Variants in SLC25A12 observed in about 807,000 individuals in gnomAD.
SLC25A12 encodes solute carrier family 25 member 12, also known as electrogenic aspartate/glutamate antiporter SLC25A12, mitochondrial.
SLC25A12 carries 32 observed loss-of-function variants against 83.3 expected under a neutral mutation model. The observed-to-expected ratio is 0.38, with a 90% CI of 0.29 to 0.52. SLC25A12 has a LOEUF of 0.52. Ranked by LOEUF, SLC25A12 falls within the 20% of genes least tolerant of loss-of-function variation. The pLI, the probability that SLC25A12 is intolerant of heterozygous loss-of-function variation, is 0.84. For missense variants in SLC25A12, 611 were observed against 835.6 expected, an observed-to-expected ratio of 0.73 and a Z score of 3.31; for synonymous variants, 267 against 291.1, an observed-to-expected ratio of 0.92 and a Z score of 0.84.
intron 5 of SLC25A12, among the ~76,000 whole-genome samples, chr2:171,838,743 A>G (rs1573972789): frequency 6.6e-6 from 1 of 152,184 alleles, no homozygotes; most frequent in Non-Finnish European, 1.5e-5. Context: ...TTTTAAAGAT[A>G]CGTATTTGAA....
In SLC25A12 at chr2:171,854,289, C is replaced by T. The variant is rs556683358; in HGVS notation, c.325+1545G>A. 2.0e-5 allele frequency among the ~76,000 whole-genome samples: 3 copies of T among 152,224 alleles called. No homozygotes were observed. In the East Asian group the frequency reaches 5.8e-4, roughly 29 times the overall value. The stretch of plus-strand genomic sequence containing the variant: ...AATCTAAATAACTCTGCATAGCAGG[C>T]CAGGCGCGGTGGCTCAGGCCTGTAA... On this transcript the variant is annotated intron_variant, in intron 4 of 17. Coordinates refer to ENST00000422440, the MANE Select transcript of SLC25A12 (RefSeq NM_003705.5).
intron 2 of SLC25A12, chr2:171,871,791 C>T: frequency 2.1e-6 from 2 of 964,644 alleles, no homozygotes; most frequent in South Asian, 4.8e-5. Context: ...AAAGTTCAGA[C>T]TCTTCTGTTT....
chr2:171,831,898 C>CA (rs34431704), intron 8 of SLC25A12, among the ~76,000 whole-genome samples: 3,230 of 144,950 alleles, frequency 0.022, 53 homozygotes, highest in Middle Eastern at 0.043. Flanking sequence ...GACTCTGTCT[C>CA]AAAAAAAAAA....
chr2:171,877,365 C>T (rs1329613102), intron 2 of SLC25A12, among the ~76,000 whole-genome samples: 7 of 152,122 alleles, frequency 4.6e-5, no homozygotes, highest in Non-Finnish European at 8.8e-5. Context: ...CCTTAAGTGA[C>T]CTTTAGGATG....
At chr2:171,841,118 C>T (rs1164487664) in intron 5 of SLC25A12, among the ~76,000 whole-genome samples, 1 of 152,298 alleles carries the variant, frequency 6.6e-6, no homozygotes, top group African/African-American at 2.4e-5. Flanking sequence ...CTCGCTCTGT[C>T]GCCCAGGCTG....
At chr2:171,810,064 AC>A (rs1467188211) in intron 12 of SLC25A12, among the ~76,000 whole-genome samples, 159 bp downstream of exon 12, 1 of 152,154 alleles carries the variant, frequency 6.6e-6, no homozygotes, top group Non-Finnish European at 1.5e-5. Context: ...CTGAGTTCTT[AC>A]TATGCTTATG....
chr2:171,838,514 C>T (rs1684606403), intron 5 of SLC25A12, among the ~76,000 whole-genome samples: 1 of 152,140 alleles, frequency 6.6e-6, no homozygotes, highest in Admixed American at 6.5e-5. Context: ...TCTTTTCTAT[C>T]TCTTTCTTAT....
rs141828254 is a variant in SLC25A12, at chr2:171,807,457, T to A, written c.1305+2149A>T. On this transcript the variant is annotated intron_variant, in intron 13 of 17. Coordinates refer to ENST00000422440, the MANE Select transcript of SLC25A12 (RefSeq NM_003705.5). ...TTTTGGTTTAACCACTTAGGTCACA[T>A]GTCAGACATGGAAACAGGTCAGCTT... Among the ~76,000 whole-genome samples, 562 of 152,314 alleles carry A rather than the reference T, an allele frequency of 3.7e-3. 3 individuals carry two copies. The highest frequency in any genetic ancestry group is 0.014 in the Middle Eastern group (4 of 294).
chr2:171,831,320 T>C (rs1251175344), intron 8 of SLC25A12, among the ~76,000 whole-genome samples: 1 of 152,170 alleles, frequency 6.6e-6, no homozygotes, highest in Non-Finnish European at 1.5e-5. Context: ...CCTCTCAAAA[T>C]CTAAGGCTCT....
intron 13 of SLC25A12, among the ~76,000 whole-genome samples, chr2:171,801,614 A>T (rs1347260667): frequency 6.6e-6 from 1 of 152,200 alleles, no homozygotes; most frequent in African/African-American, 2.4e-5. Context: ...AGCAATATGC[A>T]TTCAGTAGAA....
chr2:171,888,864 A>G (rs1353820354), intron 2 of SLC25A12, among the ~76,000 whole-genome samples: 5 of 152,322 alleles, frequency 3.3e-5, no homozygotes, highest in African/African-American at 1.2e-4. Context: ...CCACAGATCT[A>G]CATTTTACAA....
chr2:171,789,322 A>G (rs187976931), intron 15 of SLC25A12, among the ~76,000 whole-genome samples: 3,728 of 152,078 alleles, frequency 0.025, 64 homozygotes, highest in Non-Finnish European at 0.032. Context: ...TCCGCCTCCC[A>G]GGTTCATGCC....
chr2:171,872,843 T>G (rs1685485105), intron 2 of SLC25A12, among the ~76,000 whole-genome samples: 1 of 151,792 alleles, frequency 6.6e-6, no homozygotes, highest in Admixed American at 6.6e-5. Context: ...TGAACAAAGT[T>G]GAAACAAAAA....
intron 8 of SLC25A12, among the ~76,000 whole-genome samples, chr2:171,830,524 T>A (rs1231299312): frequency 2.0e-5 from 3 of 152,310 alleles, no homozygotes; most frequent in African/African-American, 7.2e-5. Flanking sequence ...TTATATTTTT[T>A]TTTTCTTGAA....
chr2:171,864,802 T>C (rs921417748), intron 3 of SLC25A12, among the ~76,000 whole-genome samples: 4 of 152,216 alleles, frequency 2.6e-5, no homozygotes, highest in East Asian at 1.9e-4. Context: ...ATTCCTCTCA[T>C]ATAGCTATGA....
At chr2:171,893,689 G>A (rs1196715107) in intron 1 of SLC25A12, among the ~76,000 whole-genome samples, 1 of 152,040 alleles carries the variant, frequency 6.6e-6, no homozygotes, top group East Asian at 1.9e-4. Flanking sequence ...AATTATCTCC[G>A]CGTCCCTCTC....
intron 3 of SLC25A12, among the ~76,000 whole-genome samples, chr2:171,863,502 G>A (rs1423808601): frequency 6.6e-6 from 1 of 150,990 alleles, no homozygotes; most frequent in Non-Finnish European, 1.5e-5. Flanking sequence ...CTCCAGCCTG[G>A]GTGTCAGAGT....
At chr2:171,832,968 G>A (rs906445707) in intron 8 of SLC25A12, among the ~76,000 whole-genome samples, 35 of 152,256 alleles carry the variant, frequency 2.3e-4, no homozygotes, top group African/African-American at 7.5e-4. Context: ...CACATCATAG[G>A]GCTCCTGGTC....
intron 13 of SLC25A12, among the ~76,000 whole-genome samples, chr2:171,795,772 C>T (rs2105842294): frequency 6.7e-6 from 1 of 149,346 alleles, no homozygotes; most frequent in Non-Finnish European, 1.5e-5. Context: ...AATCCGTGTC[C>T]CCCACCCCCA....
Sources: allele counts gnomAD v4.1 joint callset (sites outside exome capture counted in the v4.1 genomes callset), GRCh38; gene constraint gnomAD v4.1.1; transcripts MANE v1.5; gene names NCBI Gene and HGNC (gene_info 2026-07-23, HGNC 2026-07-21).